The following LAMP1 variants were observed in gnomAD, a reference collection of about 807,000 sequenced individuals.
The protein encoded by LAMP1 is lysosome-associated membrane glycoprotein 1.
In LAMP1, 7 loss-of-function variants were observed where a neutral mutation model predicts 37.5. The observed-to-expected ratio is 0.19, with a 90% CI of 0.11 to 0.35. LAMP1 has a LOEUF of 0.35. LAMP1 is among the 10% of genes least tolerant of loss of function. LAMP1 has a pLI of 1.00. For synonymous variants in LAMP1, 236 were observed against 229.1 expected, an observed-to-expected ratio of 1.03 and a Z score of -0.27; for missense variants, 537 against 552.8, an observed-to-expected ratio of 0.97 and a Z score of 0.29.
rs2042692970 is a variant in LAMP1 at position 113,320,613 on chromosome 13, A to G, written c.876+143A>G. ...GCCTTCCCTTTATCCTGGGCTTTTT[A>G]GTTCCTTGGTTCCCCTCCCCCCTTT... is the stretch of plus-strand genomic sequence containing the variant. On this transcript the variant is annotated intron_variant, in intron 6 of 8. Coordinates refer to ENST00000332556, the MANE Select transcript of LAMP1 (RefSeq NM_005561.4). This position sits in a 1 kb window ranked among gnomAD's most constrained non-coding sequence, Gnocchi z 4.4. The G allele has an allele frequency of 1.2e-6, 1 of 812,584 alleles. No individual in the cohort carries two copies. Among genetic ancestry groups the G allele is most frequent in the South Asian group, 1.8e-5 (1 of 55,512 alleles). The allele number at this position is 812,584 out of a possible 1,614,324, so 50.3% of individuals were successfully genotyped here. A position where few individuals can be genotyped will look rare whatever the true frequency, so the allele number is the denominator to read the frequency against.
Position 113,317,258 on chromosome 13 carries a change from G to A in LAMP1, c.563-2211G>A, listed in dbSNP as rs367811595. The stretch of plus-strand genomic sequence containing the variant: ...GTGCCACCATCTCCCCCCGGGCAGC[G>A]CAGGGCACTCTCCAGTGCGTTCCGT... On this transcript the variant is annotated intron_variant, in intron 4 of 8. Transcript: ENST00000332556. Among the ~76,000 whole-genome samples the A allele has an allele frequency of 6.6e-5, 10 of 152,272 alleles. No homozygotes were observed. In the East Asian group the frequency reaches 9.7e-4, roughly 15 times the overall value.
intron 1 of LAMP1, among the ~76,000 whole-genome samples, chr13:113,301,858 C>CATTTTTTTTTTT (rs2042576219): frequency 1.3e-5 from 1 of 74,332 alleles, no homozygotes; most frequent in African/African-American, 5.1e-5. Context: ...GATGTGATTT[C>CATTTTTTTTTTT]TTTTTTTTTT....
chr13:113,318,026 G>C (rs1422339122), intron 4 of LAMP1, among the ~76,000 whole-genome samples: 1 of 152,264 alleles, frequency 6.6e-6, no homozygotes, highest in African/African-American at 2.4e-5. Context: ...TCAACCTGCA[G>C]CTTCGCCAAG....
Position 113,310,814 on chromosome 13 carries a change from T to C in LAMP1, c.509T>C (p.Leu170Pro). ...CACATGAACAACGTGACCGTAACGC[T>C]CCATGATGCCACCATCCAGGCGTAC... is the stretch of plus-strand genomic sequence containing the variant. ...QVHMNNVTVT[L>P]HDATIQAYLS... The change falls in exon 4 of 9, where the codon CTC (leucine) becomes CCC (proline). Residue 170 changes from leucine (L) to proline (P), a missense_variant. Coordinates refer to ENST00000332556, the MANE Select transcript of LAMP1 (RefSeq NM_005561.4). 6.2e-7 allele frequency: 1 copy of C among 1,613,824 alleles called. No homozygotes were observed. Among genetic ancestry groups the C allele is most frequent in the East Asian group, 2.2e-5 (1 of 44,854 alleles).
At chr13:113,309,181 C>T (rs560989456) in intron 2 of LAMP1, among the ~76,000 whole-genome samples, 1 of 152,196 alleles carries the variant, frequency 6.6e-6, no homozygotes, top group Non-Finnish European at 1.5e-5. Flanking sequence ...TAGTTCACTG[C>T]AGCCTCAAAC....
In LAMP1 at chr13:113,323,161, A is replaced by G. The variant is rs1002847284; in HGVS notation, c.*740A>G. The G allele has an allele frequency of 6.6e-6, 1 of 152,228 alleles. No individual in the cohort carries two copies. The highest frequency in any genetic ancestry group is 2.4e-5 in the African/African-American group (1 of 41,450). The allele number at this position is 152,228 out of a possible 1,614,324, so 9.4% of individuals were successfully genotyped here. A position where few individuals can be genotyped will look rare whatever the true frequency, so the allele number is the denominator to read the frequency against. ...CACACGTGGCTGGCGGCCTCGTTCC[A>G]GTGGCGGCACGTCCTTGGGCGTCTC... On this transcript the variant is annotated 3_prime_UTR_variant, in exon 9 of 9. Transcript: ENST00000332556.
intron 1 of LAMP1, among the ~76,000 whole-genome samples, chr13:113,301,978 T>C (rs1229240707): frequency 1.4e-5 from 2 of 146,844 alleles, no homozygotes; most frequent in Non-Finnish European, 3.0e-5. Context: ...TTCTCCTGCC[T>C]CAGCCTCCCG....
chr13:113,303,700 C>T (rs1304754102), intron 1 of LAMP1, among the ~76,000 whole-genome samples: 1 of 152,190 alleles, frequency 6.6e-6, no homozygotes, highest in Non-Finnish European at 1.5e-5. Flanking sequence ...ATTCCTGGGT[C>T]TCTCCAGAGT....
chr13:113,317,877 TG>T (rs1398326226), intron 4 of LAMP1, among the ~76,000 whole-genome samples: 1 of 152,100 alleles, frequency 6.6e-6, no homozygotes, highest in Admixed American at 6.6e-5. Flanking sequence ...TTTGTGGAGA[TG>T]GGGGTCTCCC....
chr13:113,301,671 A>T (rs867728306), intron 1 of LAMP1, among the ~76,000 whole-genome samples: 8 of 109,678 alleles, frequency 7.3e-5, no homozygotes, highest in East Asian at 3.6e-4. Flanking sequence ...ATATATATAT[A>T]TATATATATA....
rs1053803565 is a variant in LAMP1 at position 113,297,989 on chromosome 13, C to G, written c.61+494C>G. Among the ~76,000 whole-genome samples the G allele has an allele frequency of 7.2e-5, 11 of 152,218 alleles. No homozygotes were observed. Among genetic ancestry groups the G allele is most frequent in the African/African-American group, 2.7e-4 (11 of 41,466 alleles). On this transcript the variant is annotated intron_variant, in intron 1 of 8. Transcript: ENST00000332556. The surrounding 1 kb of genome is among the most constrained non-coding windows in gnomAD (Gnocchi z 4.4). ...AGGGAGAAGCCGGTGCGAGCATTCCCCACCTTTGTACTTGAACCTTTCTCC... is the reference window on the plus strand; with the variant it reads ...AGGGAGAAGCCGGTGCGAGCATTCCGCACCTTTGTACTTGAACCTTTCTCC...
chr13:113,306,025 G>T (rs1010009339), intron 1 of LAMP1: 1 of 154,398 alleles, frequency 6.5e-6, no homozygotes, highest in Non-Finnish European at 1.4e-5. Context: ...AGGTGAACTG[G>T]CTGCGTAATC....
In LAMP1 at chr13:113,321,815, T is replaced by TG. The variant is rs1427785761; in HGVS notation, c.1114+92dup. ...GACGTTTAGTCGCTTCCGTGTGGGC[T>TG]GGGGCGACGCCCCTGTTCCTCTGCA... On this transcript the variant is annotated intron_variant, in intron 8 of 8. Coordinates refer to ENST00000332556, the MANE Select transcript of LAMP1 (RefSeq NM_005561.4). This position sits in a 1 kb window ranked among gnomAD's most constrained non-coding sequence, Gnocchi z 5.6. 2.4e-5 allele frequency: 32 copies of TG among 1,330,366 alleles called. No individual in the cohort carries two copies. The highest frequency in any genetic ancestry group is 3.4e-5 in the Non-Finnish European group (32 of 950,838). 82.4% of individuals were successfully genotyped at this position (1,330,366 alleles called of 1,614,324 possible).
intron 2 of LAMP1, among the ~76,000 whole-genome samples, chr13:113,308,811 A>G (rs2042614131): frequency 1.3e-5 from 2 of 151,954 alleles, no homozygotes; most frequent in Admixed American, 1.3e-4. Flanking sequence ...TTTTTGGCCC[A>G]CGTTAGTATA....
chr13:113,311,672 C>T (rs1268264170), intron 4 of LAMP1, among the ~76,000 whole-genome samples: 2 of 152,246 alleles, frequency 1.3e-5, no homozygotes, highest in Non-Finnish European at 2.9e-5. Flanking sequence ...AGGGTCCAGG[C>T]CACCTCCTAG....
At chr13:113,312,387 C>A (rs2042635104) in intron 4 of LAMP1, among the ~76,000 whole-genome samples, 1 of 152,228 alleles carries the variant, frequency 6.6e-6, no homozygotes, top group Non-Finnish European at 1.5e-5. Context: ...TTATCTGTGG[C>A]TGCTTTTGTA....
At chr13:113,298,013 C>T (rs1045208914) in intron 1 of LAMP1, among the ~76,000 whole-genome samples, 1 of 152,180 alleles carries the variant, frequency 6.6e-6, no homozygotes, top group African/African-American at 2.4e-5. Flanking sequence ...GAACCTTTCT[C>T]CTCTTTCAGC....
intron 2 of LAMP1, among the ~76,000 whole-genome samples, chr13:113,306,814 T>A (rs2042601268): frequency 6.8e-6 from 1 of 146,218 alleles, no homozygotes; most frequent in Non-Finnish European, 1.5e-5. Context: ...TGCACCTCAC[T>A]GTTCATCATG....
chr13:113,301,858 C>CTTTTTTTTTTTT lies in LAMP1; in HGVS notation c.61+4374_61+4385dup, dbSNP rs539321614. Among the ~76,000 whole-genome samples the CTTTTTTTTTTTT allele has an allele frequency of 6.6e-4, 49 of 74,312 alleles. 3 individuals carry two copies. In the East Asian group the frequency reaches 8.4e-3, roughly 13 times the overall value. 48.8% of individuals were successfully genotyped at this position (74,312 alleles called of 152,430 possible). On this transcript the variant is annotated intron_variant, in intron 1 of 8. Coordinates refer to ENST00000332556, the MANE Select transcript of LAMP1 (RefSeq NM_005561.4). The stretch of plus-strand genomic sequence containing the variant: ...GCCAAGAAAAACTAAGATGTGATTT[C>CTTTTTTTTTTTT]TTTTTTTTTTTTTTTTTTTTTTGAG...
Sources: gnomAD v4.1 joint callset for allele counts (sites outside exome capture counted in the v4.1 genomes callset) on GRCh38, gnomAD v4.1.1 for gene constraint, Gnocchi (gnomAD v3.1) non-coding constraint, MANE v1.5 for transcripts, NCBI Gene and HGNC (gene_info 2026-07-23, HGNC 2026-07-21) for gene names.